Variants in RASSF5 observed in about 807,000 individuals in gnomAD.
RASSF5 encodes Ras association domain family member 5.
A neutral mutation model predicts 40.5 loss-of-function variants in RASSF5; 25 were observed. The ratio of observed to expected loss-of-function variants is 0.62; its 90% CI spans 0.45 to 0.86. The LOEUF is 0.86. Among genes scored for constraint, RASSF5 ranks in the 40% least tolerant of loss-of-function variants. RASSF5 has a pLI of 0.00. For missense variants in RASSF5, 521 were observed against 572.8 expected (o/e 0.91, Z 0.92); for synonymous variants, 246 against 252.4 (o/e 0.97, Z 0.24).
chr1:206,549,552 T>A (rs782809543), intron 2 of RASSF5, among the ~76,000 whole-genome samples: 1 of 152,124 alleles, frequency 6.6e-6, no homozygotes, highest in Non-Finnish European at 1.5e-5. Flanking sequence ...CCTCAAGTGA[T>A]CCTCCCACTT....
chr1:206,575,819 G>A (rs1201566943), intron 2 of RASSF5, among the ~76,000 whole-genome samples: 1 of 152,216 alleles, frequency 6.6e-6, no homozygotes, highest in African/African-American at 2.4e-5. Flanking sequence ...TCTTGCATTT[G>A]TTCTCATCAG....
chr1:206,588,287 A>T lies in RASSF5; in HGVS notation c.*1309A>T, dbSNP rs1669210332. On this transcript the variant is annotated 3_prime_UTR_variant, in exon 6 of 6. Transcript: ENST00000579436. ...GTTGAGGGTCACAGACCTCCCTCCCATCTGGGTGCCTGAGTTTTGACTCCA... is the reference window on the plus strand; with the variant it reads ...GTTGAGGGTCACAGACCTCCCTCCCTTCTGGGTGCCTGAGTTTTGACTCCA... 6.6e-6 allele frequency: 1 copy of T among 152,636 alleles called. No individual in the cohort carries two copies. Among genetic ancestry groups the T allele is most frequent in the African/African-American group, 2.4e-5 (1 of 41,442 alleles). The allele number at this position is 152,636 out of a possible 1,614,324, so 9.5% of individuals were successfully genotyped here.
chr1:206,566,812 A>G (rs781791580), intron 2 of RASSF5, among the ~76,000 whole-genome samples: 9 of 152,144 alleles, frequency 5.9e-5, no homozygotes, highest in African/African-American at 1.4e-4. Flanking sequence ...TTTCTCTCCT[A>G]TCTCTCCTTT....
At chr1:206,520,678 C>T (rs1553395985) in intron 1 of RASSF5, among the ~76,000 whole-genome samples, 1 of 151,892 alleles carries the variant, frequency 6.6e-6, no homozygotes, top group African/African-American at 2.4e-5. Context: ...CCTGGAGTTA[C>T]CACTTTCTGG....
intron 3 of RASSF5, 29 bp downstream of exon 3, chr1:206,583,408 C>A (rs1553406805): frequency 1.4e-6 from 2 of 1,453,762 alleles, no homozygotes; most frequent in Admixed American, 1.7e-5. Flanking sequence ...TCAACCTGGC[C>A]CCTGCTCCAC....
At chr1:206,521,673 G>T (rs1412536338) in intron 1 of RASSF5, among the ~76,000 whole-genome samples, 1 of 152,176 alleles carries the variant, frequency 6.6e-6, no homozygotes, top group Non-Finnish European at 1.5e-5. Context: ...TCTCAGAGAT[G>T]ATTGTCTGCC....
chr1:206,560,146 T>C lies in RASSF5; in HGVS notation c.579+21853T>C, dbSNP rs373008959. 5.4e-4 allele frequency among the ~76,000 whole-genome samples: 83 copies of C among 152,346 alleles called. No homozygotes were observed. Among genetic ancestry groups the C allele is most frequent in the African/African-American group, 1.9e-3 (80 of 41,572 alleles). The stretch of plus-strand genomic sequence containing the variant: ...GTCTCCAAGGAAAGGAGTTGATGTG[T>C]TTCCCGGTCGTCGAGAGATTGAGGC... On this transcript the variant is annotated intron_variant, in intron 2 of 5. Transcript: ENST00000579436. The surrounding 1 kb of genome is among the most constrained non-coding windows in gnomAD (Gnocchi z 5.1).
intron 2 of RASSF5, among the ~76,000 whole-genome samples, chr1:206,565,023 T>G (rs1306462282): frequency 1.3e-5 from 2 of 152,162 alleles, no homozygotes; most frequent in Non-Finnish European, 2.9e-5. Context: ...CCTCTCTTCC[T>G]AGCTCTAGAA....
At chr1:206,525,941 T>A (rs1295454486) in intron 1 of RASSF5, among the ~76,000 whole-genome samples, 2 of 152,184 alleles carry the variant, frequency 1.3e-5, no homozygotes, top group Non-Finnish European at 2.9e-5. Flanking sequence ...TGGCTCTCTT[T>A]CCTGTGCCTC....
At chr1:206,541,762 C>T (rs1667550231) in intron 2 of RASSF5, 2 of 152,178 alleles carry the variant, frequency 1.3e-5, no homozygotes, top group East Asian at 1.9e-4. Context: ...TAGGATTATA[C>T]CCCAAAGAAT....
Position 206,507,617 on chromosome 1 carries a change from C to G in RASSF5, c.15C>G (p.Ser5=). 6.6e-7 allele frequency: 1 copy of G among 1,522,182 alleles called. No homozygotes were observed. The allele number at this position is 1,522,182 out of a possible 1,614,324, so 94.3% of individuals were successfully genotyped here. A position where few individuals can be genotyped will look rare whatever the true frequency, so the allele number is the denominator to read the frequency against. The change falls in exon 1 of 6, where the codon TCC becomes TCG. Residue 5 remains serine, a synonymous_variant. Transcript: ENST00000579436. MAMA[S]PAIGQRPYPL... is the part of the protein sequence containing the mutation. ...ACTAGCCGGGCATGGCCATGGCGTC[C>G]CCGGCCATCGGGCAGCGCCCGTACC... is the stretch of plus-strand genomic sequence containing the variant.
At chr1:206,543,554 CGTGTGTGTGTAT>C (rs1667598133) in intron 2 of RASSF5, 1 of 114,514 alleles carries the variant, frequency 8.7e-6, no homozygotes, top group Admixed American at 9.1e-5. Context: ...TATATATACA[CGTGTGTGTGTAT>C]GTGTGTGTGT....
At chr1:206,526,705 T>C (rs1667105635) in intron 1 of RASSF5, among the ~76,000 whole-genome samples, 1 of 151,874 alleles carries the variant, frequency 6.6e-6, no homozygotes, top group East Asian at 1.9e-4. Context: ...AAGGCAGAAG[T>C]TGGAGGGAAG....
intron 2 of RASSF5, among the ~76,000 whole-genome samples, chr1:206,558,847 G>A (rs1230347156): frequency 6.6e-6 from 1 of 152,192 alleles, no homozygotes; most frequent in African/African-American, 2.4e-5. Context: ...TGTTCCAGAG[G>A]GTGAGGGGCA....
intron 1 of RASSF5, among the ~76,000 whole-genome samples, chr1:206,520,147 G>T (rs1031759567): frequency 7.9e-5 from 12 of 152,318 alleles, no homozygotes; most frequent in African/African-American, 2.9e-4. Context: ...GCTATGATGG[G>T]CTTGCTTAAC....
At chr1:206,540,630 A>G (rs1352555500) in intron 2 of RASSF5, among the ~76,000 whole-genome samples, 5 of 152,340 alleles carry the variant, frequency 3.3e-5, no homozygotes, top group Non-Finnish European at 4.4e-5. Flanking sequence ...CTCTATCAAT[A>G]AAACCTGGGC....
chr1:206,527,397 C>G (rs1335424712), intron 1 of RASSF5, among the ~76,000 whole-genome samples: 3 of 152,076 alleles, frequency 2.0e-5, no homozygotes, highest in African/African-American at 7.2e-5. Flanking sequence ...TCTTGTGGAG[C>G]CTGAACTTGG....
intron 1 of RASSF5, among the ~76,000 whole-genome samples, chr1:206,521,436 C>T (rs1472057721): frequency 6.6e-6 from 1 of 152,164 alleles, no homozygotes; most frequent in African/African-American, 2.4e-5. Context: ...ATAGACTGAA[C>T]CTGCCTGCTC....
intron 2 of RASSF5, among the ~76,000 whole-genome samples, chr1:206,575,182 G>A (rs887611423): frequency 6.6e-6 from 1 of 152,114 alleles, no homozygotes; most frequent in Non-Finnish European, 1.5e-5. Context: ...GCCTGCAGAC[G>A]TTCCCATCTA....
Sources: gnomAD v4.1 joint callset for allele counts (sites outside exome capture counted in the v4.1 genomes callset) on GRCh38, gnomAD v4.1.1 for gene constraint, Gnocchi (gnomAD v3.1) non-coding constraint, MANE v1.5 for transcripts, NCBI Gene and HGNC (gene_info 2026-07-23, HGNC 2026-07-21) for gene names.